DISP1: variants seen among roughly 807,000 people sequenced by gnomAD.
DISP1 encodes protein dispatched homolog 1.
DISP1 carries 30 observed loss-of-function variants against 37.3 expected under a neutral mutation model. The ratio of observed to expected loss-of-function variants is 0.80; its 90% CI spans 0.60 to 1.09. The LOEUF (loss-of-function observed/expected upper bound fraction) is 1.09, where lower values mean the gene tolerates loss of function less well. Among genes scored for constraint, DISP1 ranks in the 50% least tolerant of loss-of-function variants. The pLI, the probability that DISP1 is intolerant of heterozygous loss-of-function variation, is 0.00. For synonymous variants in DISP1, 634 were observed against 690.2 expected, an observed-to-expected ratio of 0.92 and a Z score of 1.28; for missense variants, 1,598 against 1,879.5, an observed-to-expected ratio of 0.85 and a Z score of 2.77.
rs143783433 is a variant in DISP1, at chr1:222,873,278, G to T, written c.-158-55152G>T. Among the ~76,000 whole-genome samples the T allele has an allele frequency of 2.7e-3, 417 of 152,184 alleles. 2 individuals are homozygous for T. The highest frequency in any genetic ancestry group is 9.5e-3 in the African/African-American group (395 of 41,522). ...GATTTGGGCTAGAGAGTTCTGTAGA[G>T]GTTTATTAGGTCTGCTTGGTGCAGA... On this transcript the variant is annotated intron_variant, in intron 1 of 8. Coordinates refer to ENST00000675850, the MANE Select transcript of DISP1 (RefSeq NM_001377229.1).
chr1:222,824,933 G>A (rs1030500542), intron 1 of DISP1, among the ~76,000 whole-genome samples: 1 of 152,144 alleles, frequency 6.6e-6, no homozygotes, highest in Admixed American at 6.5e-5. Flanking sequence ...TGATGAATGC[G>A]TTTCCATCTG....
chr1:222,942,914 TGTGATGG>T lies in DISP1; in HGVS notation c.92_98del (p.Cys31Ter). 1 of 1,614,064 alleles carries T rather than the reference TGTGATGG, an allele frequency of 6.2e-7. No individual in the cohort carries two copies. Among genetic ancestry groups the T allele is most frequent in the African/African-American group, 1.3e-5 (1 of 75,030 alleles). On this transcript the variant is annotated frameshift_variant, in exon 3 of 9. Coordinates refer to ENST00000675850, the MANE Select transcript of DISP1 (RefSeq NM_001377229.1). LOFTEE classifies it high-confidence loss of function. ...TGCTAACCCGAGTCCCCTCACCCCC[TGTGATGG>T]AGACCATGCAGCCCAGCAGCTCACA...
At chr1:222,919,362 T>G (rs1672681771) in intron 1 of DISP1, among the ~76,000 whole-genome samples, 1 of 152,198 alleles carries the variant, frequency 6.6e-6, no homozygotes, top group South Asian at 2.1e-4. Flanking sequence ...TTCTTGTGAT[T>G]AGGCACATTG....
At chr1:222,996,062 G>A (rs1458924094) in intron 8 of DISP1, among the ~76,000 whole-genome samples, 2 of 152,130 alleles carry the variant, frequency 1.3e-5, no homozygotes, top group Non-Finnish European at 2.9e-5. Flanking sequence ...TTTTGAAAAT[G>A]ACTTTCCAAT....
chr1:222,985,845 A>G (rs1007773363), intron 4 of DISP1, among the ~76,000 whole-genome samples: 2 of 152,138 alleles, frequency 1.3e-5, no homozygotes, highest in African/African-American at 4.8e-5. Context: ...TTGTTACTTC[A>G]CAAGAAAAAG....
intron 1 of DISP1, among the ~76,000 whole-genome samples, chr1:222,817,277 A>G (rs1227951549): frequency 2.0e-5 from 3 of 152,312 alleles, no homozygotes; most frequent in Non-Finnish European, 2.9e-5. Context: ...TAGATTCACT[A>G]TTTCTTTTTA....
At chr1:222,964,157 G>A (rs1229062973) in intron 3 of DISP1, among the ~76,000 whole-genome samples, 3 of 152,000 alleles carry the variant, frequency 2.0e-5, no homozygotes, top group Non-Finnish European at 4.4e-5. Context: ...AAATTAGCCG[G>A]GCATGGTGGT....
At chr1:222,931,669 A>G (rs1005869532) in intron 2 of DISP1, among the ~76,000 whole-genome samples, 53 of 135,886 alleles carry the variant, frequency 3.9e-4, no homozygotes, top group Admixed American at 8.3e-4. Context: ...AAGATGCTTA[A>G]AATGCCACCA....
intron 1 of DISP1, among the ~76,000 whole-genome samples, chr1:222,823,256 A>G (rs1423002075): frequency 1.3e-5 from 2 of 152,184 alleles, no homozygotes; most frequent in Admixed American, 6.5e-5. Context: ...ACTGTTGACA[A>G]CAGCAAAGAT....
At chr1:223,000,249 G>A (rs1679339998) in intron 8 of DISP1, among the ~76,000 whole-genome samples, 1 of 152,088 alleles carries the variant, frequency 6.6e-6, no homozygotes, top group Non-Finnish European at 1.5e-5. Flanking sequence ...CTTTCATTCA[G>A]TTCATCAAGC....
intron 1 of DISP1, among the ~76,000 whole-genome samples, chr1:222,845,000 T>A (rs1667822628): frequency 6.6e-6 from 1 of 152,176 alleles, no homozygotes; most frequent in Non-Finnish European, 1.5e-5. Context: ...TAAAATGGAA[T>A]GCTTTAACTT....
intron 1 of DISP1, chr1:222,837,298 C>T (rs1667279799): frequency 2.6e-6 from 1 of 385,068 alleles, no homozygotes; most frequent in African/African-American, 2.1e-5. Context: ...TCTGGGTTCC[C>T]TGGAGCAGAG....
chr1:222,830,968 C>T (rs1665596383), intron 1 of DISP1: 1 of 152,136 alleles, frequency 6.6e-6, no homozygotes, highest in Admixed American at 6.5e-5. Context: ...AGAATGGTAT[C>T]TAAATTTGTG....
chr1:222,841,401 A>G (rs1558287215), intron 1 of DISP1, among the ~76,000 whole-genome samples: 1 of 152,110 alleles, frequency 6.6e-6, no homozygotes, highest in Non-Finnish European at 1.5e-5. Flanking sequence ...CTAATATTCC[A>G]TTTACAAGAG....
intron 4 of DISP1, 63 bp from the exon 5 acceptor site, chr1:222,990,551 GGCCTTCTTTGT>G (rs1678626479): frequency 3.1e-6 from 5 of 1,611,240 alleles, no homozygotes; most frequent in South Asian, 1.1e-5. Flanking sequence ...TTCTGCGAAG[GGCCTTCTTTGT>G]GCCTTCTTTG....
At chr1:222,949,380 G>A (rs1304046205) in intron 3 of DISP1, among the ~76,000 whole-genome samples, 8 of 150,930 alleles carry the variant, frequency 5.3e-5, no homozygotes, top group Admixed American at 2.6e-4. Context: ...AGCGACAGAG[G>A]GAGACTCTCA....
chr1:222,973,955 T>C (rs1677133085), intron 3 of DISP1, among the ~76,000 whole-genome samples: 1 of 152,222 alleles, frequency 6.6e-6, no homozygotes, highest in African/African-American at 2.4e-5. Context: ...GGATGACTTT[T>C]AGGGTTTCTT....
In DISP1 at chr1:222,851,419, G is replaced by T. The variant is rs140456333; in HGVS notation, c.-159+36341G>T. Among the ~76,000 whole-genome samples the T allele has an allele frequency of 2.6e-5, 4 of 152,178 alleles. No individual in the cohort carries two copies. In the East Asian group the frequency reaches 7.7e-4, roughly 29 times the overall value. ...CATAGTTCTTTATAGGGTTTCAGAG[G>T]ACTTCACTAATTTTATGAGTTTAAG... On this transcript the variant is annotated intron_variant, in intron 1 of 8. Transcript: ENST00000675850.
chr1:222,821,138 T>A (rs1442986627), intron 1 of DISP1, among the ~76,000 whole-genome samples: 1 of 152,156 alleles, frequency 6.6e-6, no homozygotes, highest in East Asian at 1.9e-4. Flanking sequence ...ACAATGCACC[T>A]TTTGGCTGTA....
Sources: allele counts gnomAD v4.1 joint callset (sites outside exome capture counted in the v4.1 genomes callset), GRCh38; gene constraint gnomAD v4.1.1; transcripts MANE v1.5; gene names NCBI Gene and HGNC (gene_info 2026-07-23, HGNC 2026-07-21).